The following DENND1C variants were observed in gnomAD, a reference collection of about 807,000 sequenced individuals.
DENND1C encodes DENN domain containing 1C.
DENND1C carries 64 observed loss-of-function variants against 87.9 expected under a neutral mutation model. That is an observed-to-expected ratio of 0.73 (90% CI 0.60 to 0.90). The LOEUF (loss-of-function observed/expected upper bound fraction) is 0.90. Among genes scored for constraint, DENND1C ranks in the 40% least tolerant of loss-of-function variants. The probability of loss-of-function intolerance (pLI) is 0.00; values close to 1 mark genes in which losing one functional copy is unlikely to be tolerated. For synonymous variants in DENND1C, 384 were observed against 424.4 expected, an observed-to-expected ratio of 0.90 and a Z score of 1.17; for missense variants, 980 against 1,037.0, an observed-to-expected ratio of 0.95 and a Z score of 0.76.
rs1378359726 is a variant in DENND1C at position 6,475,553 on chromosome 19, C to A, written c.858G>T (p.Val286=). 1.2e-6 allele frequency: 2 copies of A among 1,613,998 alleles called. No individual in the cohort carries two copies. Among genetic ancestry groups the A allele is most frequent in the Non-Finnish European group, 1.7e-6 (2 of 1,179,874 alleles). The change falls in exon 13 of 23, where the codon GTG becomes GTT. Residue 286 remains valine (V), a synonymous_variant. Transcript: ENST00000381480. ...AGGTATTGGCGTCCACGTTCAGCAC[C>A]ACGACGTCCTCCAGGGCTTTTTCTC... is the stretch of plus-strand genomic sequence containing the variant. ...RVREKALEDV[V]VLNVDANTLE... is the part of the protein sequence containing the mutation.
rs1023581820 is a variant in DENND1C at position 6,479,710 on chromosome 19, C to T, written c.135G>A (p.Met45Ile). ...FPPDFRDQEA[M>I]QMVPKFCFPF... ...GGAAGCAGAATTTAGGCACCATCTG[C>T]ATAGCTTCCTGGAGGTGAAGAAAAG... The change falls in exon 4 of 23, where the codon ATG becomes ATA. Residue 45 changes from methionine (M) to isoleucine (I), a missense_variant. By Grantham distance (10) the Met-to-Ile change is conservative. Coordinates refer to ENST00000381480, the MANE Select transcript of DENND1C (RefSeq NM_024898.4). 1 of 1,613,920 alleles carries T rather than the reference C, an allele frequency of 6.2e-7. No homozygotes were observed. Among genetic ancestry groups the T allele is most frequent in the Non-Finnish European group, 8.5e-7 (1 of 1,179,856 alleles).
At chr19:6,468,700 G>T in intron 20 of DENND1C, 55 bp from the exon 21 acceptor site, 1 of 1,418,546 alleles carries the variant, frequency 7.0e-7, no homozygotes, top group Non-Finnish European at 9.3e-7. Flanking sequence ...GGGGGGCTGA[G>T]GCTTGCTGGA....
In DENND1C at chr19:6,476,851, C is replaced by T. The variant is rs2092863905; in HGVS notation, c.678+6G>A. 1 of 1,609,422 alleles carries T rather than the reference C, an allele frequency of 6.2e-7. No individual in the cohort carries two copies. Among genetic ancestry groups the T allele is most frequent in the South Asian group, 1.1e-5 (1 of 90,888 alleles). ...TCCCACCCCGGCCCGGCGGACCCCG[C>T]CTCACGGTGCTGAGTTTGCTGGCGG... On this transcript the variant is annotated splice_donor_region_variant and intron_variant, in intron 10 of 22. Transcript: ENST00000381480.
intron 15 of DENND1C, 86 bp downstream of exon 15, chr19:6,472,803 C>T: frequency 1.7e-6 from 2 of 1,162,254 alleles, no homozygotes; most frequent in Non-Finnish European, 1.2e-6. Flanking sequence ...CAGGAGTCTG[C>T]CCTCAACCCT....
chr19:6,476,304 C>T (rs2092860157), intron 10 of DENND1C: 2 of 235,680 alleles, frequency 8.5e-6, no homozygotes, highest in Admixed American at 1.1e-4. Flanking sequence ...AGGGGTGGAT[C>T]CAAGACGTAA....
intron 14 of DENND1C, 34 bp downstream of exon 14, chr19:6,475,240 A>T: frequency 6.2e-7 from 1 of 1,610,798 alleles, no homozygotes; most frequent in Non-Finnish European, 8.5e-7. Context: ...TCAGGAACCC[A>T]CGAGACCTCT....
intron 1 of DENND1C, 59 bp downstream of exon 1, chr19:6,481,620 C>T (rs962583352): frequency 6.8e-6 from 11 of 1,608,746 alleles, no homozygotes; most frequent in African/African-American, 1.3e-5. Flanking sequence ...CCCTCTGCCC[C>T]GGCTCAGGCC....
chr19:6,481,520 A>G, intron 1 of DENND1C, 159 bp downstream of exon 1: 1 of 969,558 alleles, frequency 1.0e-6, no homozygotes, highest in Non-Finnish European at 1.5e-6. Flanking sequence ...CCCAGAGTGA[A>G]GGTCATAGCG....
In DENND1C at chr19:6,471,512, G is replaced by A; in HGVS notation, c.1159-16C>T. 13 of 1,531,602 alleles carry A rather than the reference G, an allele frequency of 8.5e-6. No homozygotes were observed. The highest frequency in any genetic ancestry group is 1.1e-5 in the Non-Finnish European group (13 of 1,136,770). 94.9% of individuals were successfully genotyped at this position (1,531,602 alleles called of 1,614,324 possible). ...CTTCGATGAACTGGGGTGGGGGACA[G>A]TAAATCAGAAACAGCAGGAGACACA... On this transcript the variant is annotated splice_polypyrimidine_tract_variant and intron_variant, in intron 15 of 22. Transcript: ENST00000381480.
Position 6,467,737 on chromosome 19 carries a change from TGGGCTTTGTGGGGGCCAGAATTTGG to T in DENND1C, c.2148_2172del (p.Gln717ThrfsTer4). 6.6e-7 allele frequency: 1 copy of T among 1,520,538 alleles called. No individual in the cohort carries two copies. Among genetic ancestry groups the T allele is most frequent in the South Asian group, 1.3e-5 (1 of 74,898 alleles). 94.2% of individuals were successfully genotyped at this position (1,520,538 alleles called of 1,614,324 possible). On this transcript the variant is annotated frameshift_variant, in exon 23 of 23. Coordinates refer to ENST00000381480, the MANE Select transcript of DENND1C (RefSeq NM_024898.4). LOFTEE classifies it low-confidence loss of function (END_TRUNC). ...TGGGACGTCCAGGCTATATCAAAGT[TGGGCTTTGTGGGGGCCAGAATTTGG>T]GGGCTTTCTGGAGGGCTGGGCTCAG...
rs536877685 is a variant in DENND1C at position 6,475,172 on chromosome 19, C to A, written c.1053+102G>T. The A allele has an allele frequency of 1.4e-4, 217 of 1,562,960 alleles. 1 individual carries two copies. In the South Asian group the frequency reaches 2.2e-3, roughly 16 times the overall value. ...TCGGCATCCCAAAGTGTTGGGATTA[C>A]AGGCGTGAGCCACTGCGTCCGGCCA... On this transcript the variant is annotated intron_variant, in intron 14 of 22. Coordinates refer to ENST00000381480, the MANE Select transcript of DENND1C (RefSeq NM_024898.4).
chr19:6,467,896 G>T lies in DENND1C; in HGVS notation c.2014C>A (p.Pro672Thr), dbSNP rs1019003034. Residue 672 changes from proline (P) to threonine (T), a missense_variant, in exon 23 of 23, where the codon CCC (proline) becomes ACC (threonine). Coordinates refer to ENST00000381480, the MANE Select transcript of DENND1C (RefSeq NM_024898.4). ...ATTAGGGGCTCTGTGAGAGGAGAGG[G>T]TTTGGGGTCCCCCCAGATGCTTGGG... is the stretch of plus-strand genomic sequence containing the variant. ...ADPSIWGDPK[P>T]SPLTEPLILH... 3 of 1,612,978 alleles carry T rather than the reference G, an allele frequency of 1.9e-6. No individual in the cohort carries two copies. The highest frequency in any genetic ancestry group is 2.7e-5 in the African/African-American group (2 of 74,878).
Position 6,471,491 on chromosome 19 carries a change from G to A in DENND1C, c.1164C>T (p.Ile388=), listed in dbSNP as rs777898692. 3.5e-5 allele frequency: 55 copies of A among 1,558,482 alleles called. No homozygotes were observed. Among genetic ancestry groups the A allele is most frequent in the Non-Finnish European group, 4.5e-5 (52 of 1,150,976 alleles). ...TGTTGAGCTTCTCCAGCCGGGCTTCGATGAACTGGGGTGGGGGACAGTAAA... is the reference window on the plus strand; with the variant it reads ...TGTTGAGCTTCTCCAGCCGGGCTTCAATGAACTGGGGTGGGGGACAGTAAA... ...AVHLQLFKQF[I]EARLEKLNKG... Residue 388 remains isoleucine, a synonymous_variant, in exon 16 of 23, where the codon ATC becomes ATT. Coordinates refer to ENST00000381480, the MANE Select transcript of DENND1C (RefSeq NM_024898.4).
chr19:6,477,569 G>T, intron 6 of DENND1C, 111 bp from the exon 7 acceptor site: 1 of 524,296 alleles, frequency 1.9e-6, no homozygotes, highest in Non-Finnish European at 3.1e-6. Flanking sequence ...GCTCAGGTCA[G>T]TCCTGGGAGT....
At chr19:6,476,776 C>G in intron 10 of DENND1C, 81 bp downstream of exon 10, 3 of 1,400,702 alleles carry the variant, frequency 2.1e-6, no homozygotes, top group South Asian at 1.3e-5. Context: ...AGGGTTAGAG[C>G]CAGGAATCAG....
rs760069700 is a variant in DENND1C at position 6,467,615 on chromosome 19, C to T, written c.2295G>A (p.Arg765=). Residue 765 remains arginine (R), a synonymous_variant, in exon 23 of 23, where the codon CGG becomes CGA. Transcript: ENST00000381480. ...GGGAATTCAGGGCTCCTGGTTCCTC[C>T]CGTGGCTGGAGGTGAGCGCGCTCTG... ...LLAERAHLQP[R]EEPGALNSPA... The T allele has an allele frequency of 1.9e-6, 3 of 1,574,552 alleles. No individual in the cohort carries two copies. In the East Asian group the frequency reaches 6.8e-5, roughly 35 times the overall value.
chr19:6,468,434 G>A lies in DENND1C; in HGVS notation c.1591C>T (p.Pro531Ser), dbSNP rs372397327. ...CACCCCTCATCCTCAGGGCTCAGTGGGGGTGTCCTGGGTGAGGATGGGCAG... is the reference window on the plus strand; with the variant it reads ...CACCCCTCATCCTCAGGGCTCAGTGAGGGTGTCCTGGGTGAGGATGGGCAG... ...TSEPPGAGTP[P>S]LSPEDEGCPW... Residue 531 changes from proline to serine, a missense_variant, in exon 22 of 23, where the codon CCA becomes TCA. Transcript: ENST00000381480. 1.1e-5 allele frequency: 18 copies of A among 1,611,866 alleles called. No individual in the cohort carries two copies. In the African/African-American group the frequency reaches 1.7e-4, roughly 16 times the overall value.
chr19:6,470,620 G>GTTTTTTTTTTTT lies in DENND1C; in HGVS notation c.1291-266_1291-255dup, dbSNP rs35687922. On this transcript the variant is annotated intron_variant, in intron 17 of 22. Coordinates refer to ENST00000381480, the MANE Select transcript of DENND1C (RefSeq NM_024898.4). The stretch of plus-strand genomic sequence containing the variant: ...GAGTCTCAAAGAACAGTTTTTTTTT[G>GTTTTTTTTTTTT]TTTTTTTTTTTTTTTTGCTGAGATG... Among the ~76,000 whole-genome samples, 25 of 114,782 alleles carry GTTTTTTTTTTTT rather than the reference G, an allele frequency of 2.2e-4. 1 individual carries two copies. Among genetic ancestry groups the GTTTTTTTTTTTT allele is most frequent in the Non-Finnish European group, 3.1e-4 (18 of 57,786 alleles). The allele number at this position is 114,782 out of a possible 152,430, so 75.3% of individuals were successfully genotyped here.
At chr19:6,479,126 A>G in intron 4 of DENND1C, 70 bp from the exon 5 acceptor site, 4 of 1,598,164 alleles carry the variant, frequency 2.5e-6, no homozygotes, top group Non-Finnish European at 3.4e-6. Flanking sequence ...GCTCCCCAAC[A>G]AAGCTCCTAG....
Sources: allele counts gnomAD v4.1 joint callset (sites outside exome capture counted in the v4.1 genomes callset), GRCh38; gene constraint gnomAD v4.1.1; transcripts MANE v1.5; gene names NCBI Gene and HGNC (gene_info 2026-07-23, HGNC 2026-07-21).